Variants in PCDHGB1 observed in about 807,000 individuals in gnomAD.
PCDHGB1 encodes the protein protocadherin gamma-B1.
A neutral mutation model predicts 56.6 loss-of-function variants in PCDHGB1; 34 were observed. The ratio of observed to expected loss-of-function variants is 0.60; its 90% CI spans 0.46 to 0.80. The LOEUF is 0.80. Among genes scored for constraint, PCDHGB1 ranks in the 30% least tolerant of loss-of-function variants. PCDHGB1 has a pLI of 0.00. For missense variants in PCDHGB1, 1,278 were observed against 1,204.6 expected, an observed-to-expected ratio of 1.06 and a Z score of -0.90; for synonymous variants, 561 against 505.9, an observed-to-expected ratio of 1.11 and a Z score of -1.46.
chr5:141,476,978 C>A lies in PCDHGB1; in HGVS notation c.2410-17829C>A, dbSNP rs1468851988. The A allele has an allele frequency of 2.5e-6, 4 of 1,614,138 alleles. No individual in the cohort carries two copies. Among genetic ancestry groups the A allele is most frequent in the Admixed American group, 3.3e-5 (2 of 60,012 alleles). On this transcript the variant is annotated intron_variant, in intron 1 of 3. Transcript: ENST00000523390. This position sits in a 1 kb window ranked among gnomAD's most constrained non-coding sequence, Gnocchi z 7.6. ...TATTTACTCCTTCGGCAGCCACAAC[C>A]GCGCCGGCGTGCGGCAACTATTCGC...
chr5:141,415,740 GTTTTTTTTTTTTTTTTT>G (rs57426385), intron 1 of PCDHGB1: 62 of 625,030 alleles, frequency 9.9e-5, no homozygotes, highest in East Asian at 4.1e-4. Flanking sequence ...GTTTATTAAG[GTTTTTTTTTTTTTTTTT>G]TTTTTTTTTT....
chr5:141,461,167 C>T (rs917796588), intron 1 of PCDHGB1, among the ~76,000 whole-genome samples: 2 of 151,968 alleles, frequency 1.3e-5, no homozygotes, highest in Non-Finnish European at 2.9e-5. Context: ...AGTGGGATTG[C>T]TGGATTGAAT....
intron 1 of PCDHGB1, chr5:141,366,459 T>G (rs1764573783): frequency 6.2e-7 from 1 of 1,614,122 alleles, no homozygotes; most frequent in African/African-American, 1.3e-5. Flanking sequence ...TTCGTCATCG[T>G]GCTGCTGGTG....
chr5:141,464,524 T>C (rs2099086175), intron 1 of PCDHGB1, among the ~76,000 whole-genome samples: 1 of 152,094 alleles, frequency 6.6e-6, no homozygotes, highest in Non-Finnish European at 1.5e-5. Context: ...AAGGCATATG[T>C]AGTTTTGTTA....
chr5:141,398,145 G>A, intron 1 of PCDHGB1: 2 of 1,520,796 alleles, frequency 1.3e-6, no homozygotes, highest in Admixed American at 4.8e-5. Context: ...GCGGCGCCGG[G>A]GAGCTGGGCC....
chr5:141,504,161 T>C (rs931754061), intron 2 of PCDHGB1, among the ~76,000 whole-genome samples: 1 of 152,196 alleles, frequency 6.6e-6, no homozygotes, highest in Non-Finnish European at 1.5e-5. Context: ...AATAATTTCA[T>C]CCTTGGAAAT....
intron 1 of PCDHGB1, among the ~76,000 whole-genome samples, chr5:141,453,623 T>C (rs1264665094): frequency 1.3e-5 from 2 of 152,238 alleles, no homozygotes; most frequent in Admixed American, 1.3e-4. Flanking sequence ...AAACAAAACC[T>C]ATACATATTT....
intron 1 of PCDHGB1, among the ~76,000 whole-genome samples, chr5:141,467,296 A>T (rs1032802325): frequency 1.3e-5 from 2 of 151,740 alleles, no homozygotes; most frequent in South Asian, 4.2e-4. Flanking sequence ...CAAGTGATCC[A>T]CTCACCTCGG....
At chr5:141,400,112 A>G in intron 1 of PCDHGB1, 1 of 1,614,034 alleles carries the variant, frequency 6.2e-7, no homozygotes. Context: ...GTCTTTGCTG[A>G]CAGCTTGCAG....
At chr5:141,381,826 CTTTTTTTTTT>C (rs770630741) in intron 1 of PCDHGB1, among the ~76,000 whole-genome samples, 5 of 74,284 alleles carry the variant, frequency 6.7e-5, no homozygotes, top group South Asian at 5.1e-4. Context: ...CTTTCTTCTT[CTTTTTTTTTT>C]TTTTTTTTTT....
rs768206517 is a variant in PCDHGB1 at position 141,432,482 on chromosome 5, G to C, written c.2410-62325G>C. 6.2e-7 allele frequency: 1 copy of C among 1,614,178 alleles called. No individual in the cohort carries two copies. Among genetic ancestry groups the C allele is most frequent in the South Asian group, 1.1e-5 (1 of 91,074 alleles). ...CCTCCCCACGGACGGTTCCACTGGC[G>C]TGGAGCTGGCTCCCCGCTCCGCAGA... On this transcript the variant is annotated intron_variant, in intron 1 of 3. Coordinates refer to ENST00000523390, the MANE Select transcript of PCDHGB1 (RefSeq NM_018922.3). The surrounding 1 kb of genome is among the most constrained non-coding windows in gnomAD (Gnocchi z 6.0).
chr5:141,477,992 G>T lies in PCDHGB1; in HGVS notation c.2410-16815G>T. The T allele has an allele frequency of 6.2e-7, 1 of 1,614,108 alleles. No individual in the cohort carries two copies. Among genetic ancestry groups the T allele is most frequent in the Non-Finnish European group, 8.5e-7 (1 of 1,180,024 alleles). On this transcript the variant is annotated intron_variant, in intron 1 of 3. Transcript: ENST00000523390. The surrounding 1 kb of genome is among the most constrained non-coding windows in gnomAD (Gnocchi z 4.9). Reference sequence around the variant, plus strand: ...CCTTTTTGCCATAGGGCTGCACACTGGTCAAATCAGTACTGCCCGTCCAGT... The same window carrying T: ...CCTTTTTGCCATAGGGCTGCACACTTGTCAAATCAGTACTGCCCGTCCAGT...
intron 1 of PCDHGB1, chr5:141,379,577 A>G (rs949228726): frequency 6.6e-6 from 1 of 152,178 alleles, no homozygotes; most frequent in African/African-American, 2.4e-5. Flanking sequence ...AGGCTGGTTT[A>G]TTTTATTCTC....
intron 1 of PCDHGB1, chr5:141,423,720 A>T: frequency 3.1e-6 from 3 of 957,770 alleles, no homozygotes; most frequent in Admixed American, 5.5e-5. Context: ...TTTTAAGGAG[A>T]TGTTTTTTGA....
At chr5:141,419,187 C>G (rs1179461161) in intron 1 of PCDHGB1, 4 of 1,614,024 alleles carry the variant, frequency 2.5e-6, no homozygotes, top group Non-Finnish European at 2.5e-6. Context: ...CTGCACATTA[C>G]TGACGTCAAT....
intron 1 of PCDHGB1, chr5:141,427,973 C>G (rs754410723): frequency 3.1e-6 from 5 of 1,593,936 alleles, no homozygotes; most frequent in Non-Finnish European, 3.4e-6. Flanking sequence ...TGCTGTACCC[C>G]GCGCTGGGGC....
At chr5:141,384,656 A>G in intron 1 of PCDHGB1, 1 of 1,614,192 alleles carries the variant, frequency 6.2e-7, no homozygotes, top group Non-Finnish European at 8.5e-7. Flanking sequence ...GAGCCCGGCT[A>G]CCTGGTGACC....
At chr5:141,481,982 G>A (rs1378873905) in intron 1 of PCDHGB1, among the ~76,000 whole-genome samples, 2 of 151,628 alleles carry the variant, frequency 1.3e-5, no homozygotes, top group African/African-American at 2.4e-5. Context: ...CTACTTGGGA[G>A]GTTGAAGCAG....
intron 1 of PCDHGB1, chr5:141,424,522 T>C (rs2096826398): frequency 6.6e-6 from 1 of 152,212 alleles, no homozygotes; most frequent in South Asian, 2.1e-4. Flanking sequence ...ATGTAGTAAA[T>C]CCATATATAG....
Sources: allele counts gnomAD v4.1 joint callset (sites outside exome capture counted in the v4.1 genomes callset), GRCh38; gene constraint gnomAD v4.1.1; non-coding constraint Gnocchi (gnomAD v3.1); transcripts MANE v1.5; gene names NCBI Gene and HGNC (gene_info 2026-07-23, HGNC 2026-07-21).